Variants in RAPGEF4 observed in about 807,000 individuals in gnomAD.
The protein encoded by RAPGEF4 is Rap guanine nucleotide exchange factor 4.
A neutral mutation model predicts 147.9 loss-of-function variants in RAPGEF4; 66 were observed. The observed-to-expected ratio is 0.45, with a 90% CI of 0.37 to 0.55. RAPGEF4 has a LOEUF of 0.55. RAPGEF4 is among the 20% of genes least tolerant of loss of function. The probability of loss-of-function intolerance (pLI) is 0.00; values close to 1 mark genes in which losing one functional copy is unlikely to be tolerated. For synonymous variants in RAPGEF4, 419 were observed against 442.7 expected, an observed-to-expected ratio of 0.95 and a Z score of 0.67; for missense variants, 1,071 against 1,257.3, an observed-to-expected ratio of 0.85 and a Z score of 2.24.
chr2:172,736,858 G>A (rs777387742), intron 1 of RAPGEF4, among the ~76,000 whole-genome samples: 24 of 152,194 alleles, frequency 1.6e-4, no homozygotes, highest in Non-Finnish European at 2.8e-4. Flanking sequence ...GAACTTTTAA[G>A]AACTGAGCAA....
intron 17 of RAPGEF4, among the ~76,000 whole-genome samples, chr2:173,011,067 C>T (rs773541292): frequency 6.6e-6 from 1 of 151,946 alleles, no homozygotes; most frequent in Non-Finnish European, 1.5e-5. Context: ...ATTCTATCTC[C>T]CTAGAGGCTG....
At chr2:172,927,307 A>G (rs1039942697) in intron 6 of RAPGEF4, among the ~76,000 whole-genome samples, 1 of 152,216 alleles carries the variant, frequency 6.6e-6, no homozygotes, top group Non-Finnish European at 1.5e-5. Flanking sequence ...TAGGGAATAC[A>G]ATAACATTTA....
At chr2:172,828,942 A>AGATG (rs1689987036) in intron 4 of RAPGEF4, among the ~76,000 whole-genome samples, 1 of 152,236 alleles carries the variant, frequency 6.6e-6, no homozygotes, top group African/African-American at 2.4e-5. Flanking sequence ...ATGACGATCC[A>AGATG]GATGATCAAA....
intron 25 of RAPGEF4, among the ~76,000 whole-genome samples, chr2:173,028,308 C>T (rs1696852172): frequency 6.6e-6 from 1 of 152,192 alleles, no homozygotes; most frequent in South Asian, 2.1e-4. Flanking sequence ...TCTGCACAGC[C>T]TTATGGCAAG....
chr2:172,921,218 C>T (rs1325602637), intron 5 of RAPGEF4, among the ~76,000 whole-genome samples: 5 of 151,886 alleles, frequency 3.3e-5, no homozygotes, highest in South Asian at 4.1e-4. Flanking sequence ...CTGGTTCAGG[C>T]GGTCCTCCCA....
At chr2:172,814,767 C>T (rs969729842) in intron 4 of RAPGEF4, 4 of 306,728 alleles carry the variant, frequency 1.3e-5, no homozygotes, top group African/African-American at 4.3e-5. Flanking sequence ...TTTTCTTTTG[C>T]ATTTTAAAAA....
chr2:172,815,306 C>G (rs2149606676), intron 4 of RAPGEF4, among the ~76,000 whole-genome samples: 1 of 152,338 alleles, frequency 6.6e-6, no homozygotes, highest in Middle Eastern at 3.4e-3. Context: ...ATGGCAGATG[C>G]ATTAAGGGAG....
intron 4 of RAPGEF4, among the ~76,000 whole-genome samples, chr2:172,902,657 C>T (rs917917971): frequency 2.6e-5 from 4 of 152,164 alleles, no homozygotes; most frequent in African/African-American, 9.7e-5. Flanking sequence ...GCACCACTTT[C>T]ATTATTGACA....
chr2:172,815,837 G>T (rs1411837458), intron 4 of RAPGEF4, among the ~76,000 whole-genome samples: 3 of 152,116 alleles, frequency 2.0e-5, no homozygotes, highest in African/African-American at 4.8e-5. Context: ...CTAAGTGGTT[G>T]CTACCTGTGA....
At chr2:173,029,218 T>C (rs1029527060) in intron 25 of RAPGEF4, among the ~76,000 whole-genome samples, 3 of 152,244 alleles carry the variant, frequency 2.0e-5, no homozygotes, top group Non-Finnish European at 4.4e-5. Flanking sequence ...TAAGAATTAC[T>C]CTTTGCTACC....
chr2:173,017,515 T>C lies in RAPGEF4; in HGVS notation c.2008+11T>C, dbSNP rs1310102190. On this transcript the variant is annotated intron_variant, in intron 21 of 30. Transcript: ENST00000397081. Reference sequence around the variant, plus strand: ...GCGGCTCTGATGAAGGTGAGAACCCTCTTCCAACTAACTCGTAGTTGTATA... The same window carrying C: ...GCGGCTCTGATGAAGGTGAGAACCCCCTTCCAACTAACTCGTAGTTGTATA... 1 of 1,605,126 alleles carries C rather than the reference T, an allele frequency of 6.2e-7. No homozygotes were observed. Among genetic ancestry groups the C allele is most frequent in the East Asian group, 2.2e-5 (1 of 44,830 alleles).
chr2:172,763,048 G>A (rs1696496799), intron 1 of RAPGEF4, among the ~76,000 whole-genome samples: 1 of 152,206 alleles, frequency 6.6e-6, no homozygotes, highest in Non-Finnish European at 1.5e-5. Flanking sequence ...CAAGATGAGA[G>A]CCTGGTATGA....
chr2:172,890,070 G>T (rs1399059132), intron 4 of RAPGEF4, among the ~76,000 whole-genome samples: 1 of 152,212 alleles, frequency 6.6e-6, no homozygotes, highest in Non-Finnish European at 1.5e-5. Flanking sequence ...CATCTTAATA[G>T]TAAACAGTGA....
chr2:172,810,159 G>C (rs184634925), intron 3 of RAPGEF4, among the ~76,000 whole-genome samples: 131 of 152,280 alleles, frequency 8.6e-4, no homozygotes, highest in Middle Eastern at 6.8e-3. Flanking sequence ...AGACTGACTA[G>C]TTTCTGATCT....
rs1304557006 is a variant in RAPGEF4 at position 172,990,813 on chromosome 2, G to A, written c.1378G>A (p.Val460Met). The A allele has an allele frequency of 6.2e-6, 10 of 1,611,692 alleles. No individual in the cohort carries two copies. Among genetic ancestry groups the A allele is most frequent in the South Asian group, 3.3e-5 (3 of 90,858 alleles). Residue 460 changes from valine (V) to methionine (M), a missense_variant, in exon 15 of 31, where the codon GTG (valine) becomes ATG (methionine). Coordinates refer to ENST00000397081, the MANE Select transcript of RAPGEF4 (RefSeq NM_007023.4). Reference sequence around the variant, plus strand: ...GTGGTGTAATTTGTATTTGCAGGACGTGGAGGCGAATACAGTCAGACTTAA... The same window carrying A: ...GTGGTGTAATTTGTATTTGCAGGACATGGAGGCGAATACAGTCAGACTTAA... ...KEDFNRILRD[V>M]EANTVRLKEH...
intron 4 of RAPGEF4, among the ~76,000 whole-genome samples, chr2:172,886,673 G>A (rs1697259271): frequency 6.7e-6 from 1 of 150,064 alleles, no homozygotes; most frequent in Non-Finnish European, 1.5e-5. Context: ...ACAGAAGTGA[G>A]ATTCCCACCT....
intron 4 of RAPGEF4, among the ~76,000 whole-genome samples, chr2:172,916,103 C>T (rs969241384): frequency 1.3e-5 from 2 of 152,148 alleles, no homozygotes; most frequent in African/African-American, 4.8e-5. Flanking sequence ...CCACTAGCAG[C>T]GACCCTGATG....
intron 4 of RAPGEF4, among the ~76,000 whole-genome samples, chr2:172,851,465 T>C (rs1245400315): frequency 6.6e-6 from 1 of 152,102 alleles, no homozygotes; most frequent in Non-Finnish European, 1.5e-5. Context: ...TTTGGTCAAG[T>C]ATCGAGCGAC....
chr2:172,800,419 C>T (rs1686854465), intron 3 of RAPGEF4, among the ~76,000 whole-genome samples: 1 of 152,212 alleles, frequency 6.6e-6, no homozygotes, highest in African/African-American at 2.4e-5. Context: ...AGAAACAAAA[C>T]TGCCATATCT....
Sources: allele counts gnomAD v4.1 joint callset (sites outside exome capture counted in the v4.1 genomes callset), GRCh38; gene constraint gnomAD v4.1.1; transcripts MANE v1.5; gene names NCBI Gene and HGNC (gene_info 2026-07-23, HGNC 2026-07-21).